The following CD86 variants were observed in gnomAD, a reference collection of about 807,000 sequenced individuals.
CD86 encodes the protein T-lymphocyte activation antigen CD86.
In CD86, 11 loss-of-function variants were observed where a neutral mutation model predicts 32.1. The ratio of observed to expected loss-of-function variants is 0.34; its 90% CI spans 0.22 to 0.57. CD86 has a LOEUF of 0.57. Ranked by LOEUF, CD86 falls within the 20% of genes least tolerant of loss-of-function variation. The pLI, the probability that CD86 is intolerant of heterozygous loss-of-function variation, is 0.86. For synonymous variants in CD86, 137 were observed against 135.3 expected, an observed-to-expected ratio of 1.01 and a Z score of -0.09; for missense variants, 359 against 398.4, an observed-to-expected ratio of 0.90 and a Z score of 0.84.
chr3:122,087,197 G>T (rs1343675010), intron 1 of CD86, among the ~76,000 whole-genome samples: 1 of 152,126 alleles, frequency 6.6e-6, no homozygotes, highest in Non-Finnish European at 1.5e-5. Context: ...TTTACATGGA[G>T]GCTCCTCTTT....
chr3:122,113,563 G>C (rs1915091), intron 5 of CD86, among the ~76,000 whole-genome samples: 33,123 of 152,018 alleles, frequency 0.22, 4,224 homozygotes, highest in East Asian at 0.6. Context: ...GGAGTAAGGT[G>C]GTATCTCATG....
chr3:122,057,039 GT>G (rs144391676), intron 1 of CD86, among the ~76,000 whole-genome samples: 4,961 of 152,256 alleles, frequency 0.033, 256 homozygotes, highest in African/African-American at 0.11. Flanking sequence ...TAAAACAACA[GT>G]GAAGTATCAT....
chr3:122,070,214 G>A (rs2072470510), intron 1 of CD86, among the ~76,000 whole-genome samples: 1 of 152,132 alleles, frequency 6.6e-6, no homozygotes, highest in Non-Finnish European at 1.5e-5. Flanking sequence ...AGACAAAAAT[G>A]TGTCCCTGGG....
intron 1 of CD86, among the ~76,000 whole-genome samples, chr3:122,058,050 G>A (rs2072265914): frequency 6.6e-6 from 1 of 152,182 alleles, no homozygotes; most frequent in African/African-American, 2.4e-5. Context: ...ATGGTAATAT[G>A]TCGTAAAGTA....
intron 1 of CD86, among the ~76,000 whole-genome samples, chr3:122,068,116 G>A (rs2072439519): frequency 6.6e-6 from 1 of 151,970 alleles, no homozygotes; most frequent in Non-Finnish European, 1.5e-5. Flanking sequence ...AAAAATCACT[G>A]ATTTAAAAAA....
chr3:122,079,286 G>T (rs1340317670), intron 1 of CD86, among the ~76,000 whole-genome samples: 1 of 152,142 alleles, frequency 6.6e-6, no homozygotes, highest in African/African-American at 2.4e-5. Context: ...CCTGGGTGGG[G>T]GTGAGGATGG....
At chr3:122,073,737 C>A (rs992548116) in intron 1 of CD86, among the ~76,000 whole-genome samples, 2 of 152,076 alleles carry the variant, frequency 1.3e-5, no homozygotes, top group Non-Finnish European at 2.9e-5. Flanking sequence ...AGCTGCATCA[C>A]TTCTAAATTA....
Position 122,103,620 on chromosome 3 carries a change from A to G in CD86, c.173A>G (p.Gln58Arg). The stretch of plus-strand genomic sequence containing the variant: ...CTGAGTGAGCTAGTAGTATTTTGGC[A>G]GGACCAGGAAAACTTGGTTCTGAAT... ...QSLSELVVFW[Q>R]DQENLVLNEV... The change falls in exon 3 of 7, where the codon CAG becomes CGG. Residue 58 changes from glutamine (Q) to arginine (R), a missense_variant. Physicochemically the swap from Gln to Arg is conservative, Grantham distance 43 (BLOSUM62 1). Transcript: ENST00000330540. The G allele has an allele frequency of 6.2e-7, 1 of 1,614,060 alleles. No homozygotes were observed. Among genetic ancestry groups the G allele is most frequent in the Non-Finnish European group, 8.5e-7 (1 of 1,179,910 alleles).
chr3:122,092,848 TGAG>T (rs2072847184), intron 2 of CD86, among the ~76,000 whole-genome samples: 2 of 152,226 alleles, frequency 1.3e-5, no homozygotes, highest in Admixed American at 6.5e-5. Context: ...CTGTGGATGA[TGAG>T]GAGTCAGGGA....
intron 5 of CD86, among the ~76,000 whole-genome samples, chr3:122,110,393 G>C (rs1415383073): frequency 6.6e-6 from 1 of 152,102 alleles, no homozygotes; most frequent in Non-Finnish European, 1.5e-5. Flanking sequence ...GCTAAGATTG[G>C]ACTTTATCTC....
At chr3:122,114,375 A>G (rs1256800513) in intron 5 of CD86, among the ~76,000 whole-genome samples, 7 of 152,174 alleles carry the variant, frequency 4.6e-5, no homozygotes, top group Non-Finnish European at 8.8e-5. Flanking sequence ...TCCATAAACA[A>G]CTAGAAAGCA....
At chr3:122,056,195 G>A (rs1317338386) in intron 1 of CD86, among the ~76,000 whole-genome samples, 1 of 152,112 alleles carries the variant, frequency 6.6e-6, no homozygotes, top group Non-Finnish European at 1.5e-5. Flanking sequence ...CTATTCATAA[G>A]GGGTAGAGCT....
Position 122,120,566 on chromosome 3 carries a change from C to T in CD86, c.*1032C>T, listed in dbSNP as rs1441799198. On this transcript the variant is annotated 3_prime_UTR_variant, in exon 7 of 7. Transcript: ENST00000330540. ...TGGTCAGGGAGGGGTTTTGGTGATA[C>T]CCAAGTTATTGGGATGTCATCTTCC... 6.6e-6 allele frequency: 1 copy of T among 152,168 alleles called. No homozygotes were observed. Among genetic ancestry groups the T allele is most frequent in the Non-Finnish European group, 1.5e-5 (1 of 68,074 alleles). 9.4% of individuals were successfully genotyped at this position (152,168 alleles called of 1,614,324 possible).
At position 122,111,070 on chromosome 3, in the gene CD86, T is replaced by C. The variant is rs141563872; in HGVS notation, c.847+1662T>C. 6.9e-3 allele frequency among the ~76,000 whole-genome samples: 1,048 copies of C among 152,272 alleles called. 13 individuals are homozygous for C. Among genetic ancestry groups the C allele is most frequent in the African/African-American group, 0.024 (1,009 of 41,550 alleles). On this transcript the variant is annotated intron_variant, in intron 5 of 6. Coordinates refer to ENST00000330540, the MANE Select transcript of CD86 (RefSeq NM_175862.5). ...GTTAAATAAGCTCTGTAGGTACAGA[T>C]GAGATGGTCAGATTGGGCTGAGTGG... is the stretch of plus-strand genomic sequence containing the variant.
chr3:122,101,923 C>G (rs1006739524), intron 2 of CD86, among the ~76,000 whole-genome samples: 1 of 152,044 alleles, frequency 6.6e-6, no homozygotes, highest in African/African-American at 2.4e-5. Flanking sequence ...GGTACGCATC[C>G]TCTACAGGTG....
intron 1 of CD86, among the ~76,000 whole-genome samples, chr3:122,065,196 T>C (rs1459728416): frequency 1.3e-5 from 2 of 152,208 alleles, no homozygotes; most frequent in Non-Finnish European, 1.5e-5. Flanking sequence ...CTATATATTA[T>C]GGCAGATCAG....
chr3:122,071,476 T>A (rs1235994102), intron 1 of CD86, among the ~76,000 whole-genome samples: 1 of 152,228 alleles, frequency 6.6e-6, no homozygotes, highest in Non-Finnish European at 1.5e-5. Flanking sequence ...TTCTATTTAT[T>A]ACCACATAAT....
chr3:122,099,942 A>C (rs1244588187), intron 2 of CD86, among the ~76,000 whole-genome samples: 1 of 152,160 alleles, frequency 6.6e-6, no homozygotes, highest in East Asian at 1.9e-4. Context: ...GTTGAACAAC[A>C]GTTGTAGAAG....
chr3:122,060,363 G>C (rs959038002), intron 1 of CD86, among the ~76,000 whole-genome samples: 1 of 152,120 alleles, frequency 6.6e-6, no homozygotes, highest in Non-Finnish European at 1.5e-5. Flanking sequence ...CAGCACAGAT[G>C]GTCTCCTGCA....
Sources: allele counts gnomAD v4.1 joint callset (sites outside exome capture counted in the v4.1 genomes callset), GRCh38; gene constraint gnomAD v4.1.1; transcripts MANE v1.5; gene names NCBI Gene and HGNC (gene_info 2026-07-23, HGNC 2026-07-21).